The following SMARCA4 variants were observed in gnomAD, a reference collection of about 807,000 sequenced individuals.
The protein encoded by SMARCA4 is SWI/SNF related BAF chromatin remodeling complex subunit ATPase 4.
In SMARCA4, 31 loss-of-function variants were observed where a neutral mutation model predicts 193.9. That is an observed-to-expected ratio of 0.16 (90% CI 0.12 to 0.22). The LOEUF (loss-of-function observed/expected upper bound fraction) is 0.22, where lower values mean the gene tolerates loss of function less well. Ranked by LOEUF, SMARCA4 falls within the 10% of genes least tolerant of loss-of-function variation. The pLI is 1.00. For synonymous variants in SMARCA4, 942 were observed against 933.1 expected (o/e 1.01, Z -0.17); for missense variants, 1,148 against 2,296.0 (o/e 0.50, Z 10.22).
intron 1 of SMARCA4, among the ~76,000 whole-genome samples, chr19:10,969,375 G>T (rs1042060698): frequency 1.2e-4 from 19 of 152,148 alleles, no homozygotes; most frequent in Non-Finnish European, 1.2e-4. Context: ...GCCTCCCAAA[G>T]TGCTGGGATT....
At chr19:10,991,433 T>A in intron 8 of SMARCA4, 110 bp downstream of exon 8, 2 of 1,508,126 alleles carry the variant, frequency 1.3e-6, no homozygotes, top group East Asian at 4.9e-5. Flanking sequence ...GCTGCTTGTC[T>A]CTCTCTTTTG....
intron 11 of SMARCA4, among the ~76,000 whole-genome samples, chr19:10,997,758 C>T (rs578005780): frequency 1.3e-5 from 2 of 152,342 alleles, no homozygotes; most frequent in East Asian, 1.9e-4. Flanking sequence ...TGAGCCCCCG[C>T]ACCTGGCCTT....
chr19:11,046,330 C>T (rs1219990297), intron 30 of SMARCA4, among the ~76,000 whole-genome samples: 1 of 152,188 alleles, frequency 6.6e-6, no homozygotes, highest in Non-Finnish European at 1.5e-5. Flanking sequence ...TTGAGACCTG[C>T]TTTGAAGAGG....
chr19:10,991,974 A>G (rs762834261), intron 8 of SMARCA4, among the ~76,000 whole-genome samples: 2 of 152,218 alleles, frequency 1.3e-5, no homozygotes, highest in Non-Finnish European at 2.9e-5. Context: ...GGAAATCTTC[A>G]AATCTAAAAT....
At chr19:11,028,613 G>A (rs2090425468) in intron 24 of SMARCA4, among the ~76,000 whole-genome samples, 5 of 152,250 alleles carry the variant, frequency 3.3e-5, no homozygotes, top group Non-Finnish European at 7.3e-5. Flanking sequence ...CTGCCGTAGA[G>A]AGGCTCTCAG....
Position 10,987,487 on chromosome 19 carries a change from T to C in SMARCA4, c.860-179T>C, listed in dbSNP as rs539246589. Among the ~76,000 whole-genome samples the C allele has an allele frequency of 6.6e-6, 1 of 152,060 alleles. No homozygotes were observed. Among genetic ancestry groups the C allele is most frequent in the East Asian group, 1.9e-4 (1 of 5,186 alleles). Reference sequence around the variant, plus strand: ...AGGGTGTGAAGGACGAGGGTGAGGCTGAGATCTGGAGGAGGTTGGAGCCCA... The same window carrying C: ...AGGGTGTGAAGGACGAGGGTGAGGCCGAGATCTGGAGGAGGTTGGAGCCCA... On this transcript the variant is annotated intron_variant, in intron 5 of 34. Transcript: ENST00000344626. The surrounding 1 kb of genome is among the most constrained non-coding windows in gnomAD (Gnocchi z 5.3).
At position 11,033,884 on chromosome 19, in the gene SMARCA4, T is replaced by C. The variant is rs2075096385; in HGVS notation, c.3873+19T>C. On this transcript the variant is annotated intron_variant, in intron 27 of 34. Coordinates refer to ENST00000344626, the MANE Select transcript of SMARCA4 (RefSeq NM_003072.5). The surrounding 1 kb of genome is among the most constrained non-coding windows in gnomAD (Gnocchi z 9.8). ...TCTAAAGGTGAGAGGGGTAGTTCAG[T>C]CTCCATGCCCATTCAATCCTCGGCT... 1.3e-6 allele frequency: 1 copy of C among 776,438 alleles called. No individual in the cohort carries two copies. The highest frequency in any genetic ancestry group is 2.4e-6 in the Non-Finnish European group (1 of 417,790). The allele number at this position is 776,438 out of a possible 1,614,324, so 48.1% of individuals were successfully genotyped here. A position where few individuals can be genotyped will look rare whatever the true frequency, so the allele number is the denominator to read the frequency against.
At chr19:10,999,475 G>T (rs950945961) in intron 11 of SMARCA4, among the ~76,000 whole-genome samples, 1 of 151,978 alleles carries the variant, frequency 6.6e-6, no homozygotes, top group African/African-American at 2.4e-5. Flanking sequence ...TGGGCAATAT[G>T]GCAAAACCTT....
chr19:11,004,172 A>G (rs2087944878), intron 13 of SMARCA4, among the ~76,000 whole-genome samples: 1 of 151,786 alleles, frequency 6.6e-6, no homozygotes, highest in African/African-American at 2.4e-5. Flanking sequence ...ACCTGCCACC[A>G]TGCCTGGCTA....
rs142092395 is a variant in SMARCA4, at chr19:10,986,250, G to A, written c.417G>A (p.Pro139=). The A allele has an allele frequency of 5.6e-5, 90 of 1,613,924 alleles. No individual in the cohort carries two copies. Among genetic ancestry groups the A allele is most frequent in the African/African-American group, 4.9e-4 (37 of 75,058 alleles). Residue 139 remains proline, a synonymous_variant, in exon 4 of 35, where the codon CCG becomes CCA. Transcript: ENST00000344626. The surrounding 1 kb of genome is among the most constrained non-coding windows in gnomAD (Gnocchi z 6.7). ...HASSPVPASG[P]SSGPQMSSGP... ...CTAGTCCAGTTCCAGCCAGTGGCCC[G>A]TCTTCGGGGCCCCAGATGTCTTCCG...
Position 11,058,418 on chromosome 19 carries a change from A to G in SMARCA4, c.4533+55A>G, listed in dbSNP as rs1006651475. The G allele has an allele frequency of 4.9e-6, 6 of 1,226,780 alleles. No homozygotes were observed. The highest frequency in any genetic ancestry group is 6.0e-6 in the Non-Finnish European group (5 of 833,714). The allele number at this position is 1,226,780 out of a possible 1,614,324, so 76.0% of individuals were successfully genotyped here. A position where few individuals can be genotyped will look rare whatever the true frequency, so the allele number is the denominator to read the frequency against. On this transcript the variant is annotated intron_variant, in intron 31 of 34. Transcript: ENST00000344626. The surrounding 1 kb of genome is among the most constrained non-coding windows in gnomAD (Gnocchi z 5.8). ...ATGTGCCCGGAGGGGAGTCTGACCC[A>G]GGGGCACCCCCATCTGAGAGCTGTG...
At chr19:11,052,720 C>T (rs567771374) in intron 30 of SMARCA4, among the ~76,000 whole-genome samples, 69 of 152,322 alleles carry the variant, frequency 4.5e-4, no homozygotes, top group East Asian at 3.5e-3. Context: ...AAAGAGCGAA[C>T]GCCCCTCAAG....
At chr19:11,000,859 CAAAA>C (rs539982586) in intron 11 of SMARCA4, among the ~76,000 whole-genome samples, 1 of 82,000 alleles carries the variant, frequency 1.2e-5, no homozygotes. Flanking sequence ...GACTCTGTCT[CAAAA>C]AAAAAAAAAA....
rs2086164661 is a variant in SMARCA4 at position 10,987,560 on chromosome 19, G to C, written c.860-106G>C. 1 of 1,310,222 alleles carries C rather than the reference G, an allele frequency of 7.6e-7. No homozygotes were observed. Among genetic ancestry groups the C allele is most frequent in the Admixed American group, 1.7e-5 (1 of 57,344 alleles). 81.2% of individuals were successfully genotyped at this position (1,310,222 alleles called of 1,614,324 possible). On this transcript the variant is annotated intron_variant, in intron 5 of 34. Transcript: ENST00000344626. This position sits in a 1 kb window ranked among gnomAD's most constrained non-coding sequence, Gnocchi z 5.3. Reference sequence around the variant, plus strand: ...TGGGTGAAAGGTGGGAGATGGGCGGGGTCTGCCTGTCCCCAGTGCCTCAAG... The same window carrying C: ...TGGGTGAAAGGTGGGAGATGGGCGGCGTCTGCCTGTCCCCAGTGCCTCAAG...
chr19:10,992,984 CTTTTTTT>C (rs758452838), intron 8 of SMARCA4, among the ~76,000 whole-genome samples: 2 of 109,328 alleles, frequency 1.8e-5, no homozygotes, highest in East Asian at 5.4e-4. Flanking sequence ...TAAAACTTTG[CTTTTTTT>C]TTTTTTTTTT....
At chr19:11,054,287 G>A (rs908913763) in intron 30 of SMARCA4, among the ~76,000 whole-genome samples, 6 of 152,174 alleles carry the variant, frequency 3.9e-5, no homozygotes, top group African/African-American at 1.2e-4. Flanking sequence ...CCAGATGCCC[G>A]GCAGCGGGAA....
Position 10,976,292 on chromosome 19 carries a change from C to T in SMARCA4, c.-31-7829C>T, listed in dbSNP as rs1021364285. ...GTTTGGCCTTCCCGTGTAGACATCTCGCCGGAGCAAGGTGCACCCAGCCCC... is the reference window on the plus strand; with the variant it reads ...GTTTGGCCTTCCCGTGTAGACATCTTGCCGGAGCAAGGTGCACCCAGCCCC... On this transcript the variant is annotated intron_variant, in intron 1 of 34. Transcript: ENST00000344626. 7.9e-5 allele frequency among the ~76,000 whole-genome samples: 12 copies of T among 152,174 alleles called. No individual in the cohort carries two copies. The South Asian group carries it at 8.3e-4, about 11-fold the overall frequency.
At chr19:10,980,121 C>T (rs1275840805) in intron 1 of SMARCA4, among the ~76,000 whole-genome samples, 2 of 152,144 alleles carry the variant, frequency 1.3e-5, no homozygotes, top group African/African-American at 2.4e-5. Context: ...GATGGCTTTG[C>T]ATCACTCCCG....
rs1183514516 is a variant in SMARCA4 at position 11,031,375 on chromosome 19, A to G, written c.3546+482A>G. On this transcript the variant is annotated intron_variant, in intron 25 of 34. Coordinates refer to ENST00000344626, the MANE Select transcript of SMARCA4 (RefSeq NM_003072.5). The surrounding 1 kb of genome is among the most constrained non-coding windows in gnomAD (Gnocchi z 4.3). ...TCGGTGGATACCAGGTCATGCTGTTACATAGCTACAAGAATTTGAAAATGA... is the reference window on the plus strand; with the variant it reads ...TCGGTGGATACCAGGTCATGCTGTTGCATAGCTACAAGAATTTGAAAATGA... 1 of 184,316 alleles carries G rather than the reference A, an allele frequency of 5.4e-6. No individual in the cohort carries two copies. Among genetic ancestry groups the G allele is most frequent in the Non-Finnish European group, 1.2e-5 (1 of 85,878 alleles). The allele number at this position is 184,316 out of a possible 1,614,324, so 11.4% of individuals were successfully genotyped here.
Sources: allele counts gnomAD v4.1 joint callset (sites outside exome capture counted in the v4.1 genomes callset), GRCh38; gene constraint gnomAD v4.1.1; non-coding constraint Gnocchi (gnomAD v3.1); transcripts MANE v1.5; gene names NCBI Gene and HGNC (gene_info 2026-07-23, HGNC 2026-07-21).